Variants in IQCE observed in about 807,000 individuals in gnomAD.
The protein encoded by IQCE is IQ motif containing E, also known as IQ domain-containing protein E.
A neutral mutation model predicts 96.0 loss-of-function variants in IQCE; 115 were observed. That is an observed-to-expected ratio of 1.20 (90% CI 1.03 to 1.40). The LOEUF (loss-of-function observed/expected upper bound fraction) is 1.40. Ranked by LOEUF, IQCE falls within the 40% of genes most tolerant of loss-of-function variation. The pLI is 0.00. For missense variants in IQCE, 1,041 were observed against 909.1 expected (o/e 1.15, Z -1.87); for synonymous variants, 412 against 371.2 (o/e 1.11, Z -1.26).
rs1241903739 is a variant in IQCE, at chr7:2,606,113, G to A, written c.1865+116G>A. On this transcript the variant is annotated intron_variant, in intron 20 of 21. Coordinates refer to ENST00000402050, the MANE Select transcript of IQCE (RefSeq NM_152558.5). The stretch of plus-strand genomic sequence containing the variant: ...GGCGGAAACTGGAGCAGCGCCTGCC[G>A]CCTGCCAGCGGGACCTCGGTTTGGA... 2.3e-5 allele frequency: 29 copies of A among 1,282,060 alleles called. No individual in the cohort carries two copies. In the East Asian group the frequency reaches 4.3e-4, roughly 19 times the overall value. The allele number at this position is 1,282,060 out of a possible 1,614,324, so 79.4% of individuals were successfully genotyped here.
At chr7:2,574,141 A>G (rs1236695431) in intron 6 of IQCE, among the ~76,000 whole-genome samples, 1 of 152,244 alleles carries the variant, frequency 6.6e-6, no homozygotes, top group Non-Finnish European at 1.5e-5. Context: ...ACTGGCTTTC[A>G]GTATCCGTAA....
intron 12 of IQCE, among the ~76,000 whole-genome samples, chr7:2,587,019 G>A (rs536322891): frequency 7.0e-4 from 106 of 152,350 alleles, no homozygotes; most frequent in African/African-American, 2.5e-3. Flanking sequence ...GTCTAGTCGG[G>A]CTGCTGGTGG....
At chr7:2,588,010 C>A in intron 13 of IQCE, 133 bp downstream of exon 13, 1 of 823,392 alleles carries the variant, frequency 1.2e-6, no homozygotes, top group South Asian at 1.4e-5. Context: ...ACACAGACCG[C>A]AAGGAGACTT....
intron 8 of IQCE, among the ~76,000 whole-genome samples, chr7:2,581,005 G>A (rs1472439744): frequency 1.3e-5 from 2 of 151,864 alleles, no homozygotes; most frequent in South Asian, 2.1e-4. Flanking sequence ...CACCATGCCC[G>A]GCTAATTTTT....
Position 2,571,630 on chromosome 7 carries a change from C to G in IQCE, c.235C>G (p.Leu79Val). ...GGRASLTPQK[L>V]WLGTAKPGSL... ...CCGAGCGTCCCTGACCCCGCAGAAG[C>G]TGTGGCTGGGAACCGCAAAGCCAGG... is the stretch of plus-strand genomic sequence containing the variant. The change falls in exon 4 of 22, where the codon CTG becomes GTG. Residue 79 changes from leucine to valine, a missense_variant. Physicochemically the swap from Leu to Val is conservative, Grantham distance 32. Transcript: ENST00000402050. The G allele has an allele frequency of 6.2e-7, 1 of 1,600,448 alleles. No homozygotes were observed. Among genetic ancestry groups the G allele is most frequent in the Non-Finnish European group, 8.5e-7 (1 of 1,179,906 alleles).
chr7:2,579,700 GGTGTGT>G (rs68086038), intron 8 of IQCE, among the ~76,000 whole-genome samples: 90 of 133,070 alleles, frequency 6.8e-4, no homozygotes, highest in South Asian at 2.5e-3. Context: ...TTGTTCTGGT[GGTGTGT>G]GTGTGTGTGT....
intron 14 of IQCE, among the ~76,000 whole-genome samples, chr7:2,592,133 G>A (rs368464513): frequency 2.0e-5 from 3 of 152,296 alleles, no homozygotes; most frequent in East Asian, 3.9e-4. Context: ...AAACTTGGCC[G>A]GTGCCTCCCG....
intron 17 of IQCE, chr7:2,598,848 C>T (rs1293882063): frequency 2.5e-6 from 1 of 405,656 alleles, no homozygotes; most frequent in East Asian, 3.6e-5. Context: ...AGATTTCTTT[C>T]CATCCAGTTT....
In IQCE at chr7:2,578,356, G is replaced by C. The variant is rs761425305; in HGVS notation, c.579+1G>C. 5 of 1,613,102 alleles carry C rather than the reference G, an allele frequency of 3.1e-6. No individual in the cohort carries two copies. The highest frequency in any genetic ancestry group is 1.1e-5 in the South Asian group (1 of 91,070). On this transcript the variant is annotated splice_donor_variant, in intron 7 of 21. Coordinates refer to ENST00000402050, the MANE Select transcript of IQCE (RefSeq NM_152558.5). LOFTEE classifies it high-confidence loss of function. ...AGAGCAGCTCCTGGATCCCAGCCGCGTAAGCTCCTGGCGCTTCACGGACGG... is the reference window on the plus strand; with the variant it reads ...AGAGCAGCTCCTGGATCCCAGCCGCCTAAGCTCCTGGCGCTTCACGGACGG...
At chr7:2,605,016 C>A (rs146213822) in intron 19 of IQCE, 25 bp downstream of exon 19, 18,080 of 1,501,832 alleles carry the variant, frequency 0.012, 162 homozygotes, top group Non-Finnish European at 0.013. Flanking sequence ...CTGGACGTCC[C>A]AGTGGCCATC....
In IQCE at chr7:2,598,266, A is replaced by G; in HGVS notation, c.1441-199A>G. The stretch of plus-strand genomic sequence containing the variant: ...CACGTCTGCACTTGTGTGCTCGCCT[A>G]GACGCTGTCTCTCAGCAGTACAAGA... On this transcript the variant is annotated intron_variant, in intron 16 of 21. Transcript: ENST00000402050. 4 of 509,348 alleles carry G rather than the reference A, an allele frequency of 7.9e-6. No homozygotes were observed. In the South Asian group the frequency reaches 1.2e-4, roughly 16 times the overall value. The allele number at this position is 509,348 out of a possible 1,614,324, so 31.6% of individuals were successfully genotyped here.
chr7:2,590,054 A>G lies in IQCE; in HGVS notation c.1192A>G (p.Arg398Gly). 6.2e-7 allele frequency: 1 copy of G among 1,613,614 alleles called. No individual in the cohort carries two copies. Among genetic ancestry groups the G allele is most frequent in the Middle Eastern group, 1.7e-4 (1 of 6,058 alleles). ...CCACGAGCGTCTCCGAGGGGCTGTG[A>G]GAGACCTGAAGGAAGAGCGGACCGC... is the stretch of plus-strand genomic sequence containing the variant. ...KDHERLRGAV[R>G]DLKEERTALQ... Residue 398 changes from arginine to glycine, a missense_variant, in exon 14 of 22, where the codon AGA (arginine) becomes GGA (glycine). Coordinates refer to ENST00000402050, the MANE Select transcript of IQCE (RefSeq NM_152558.5).
intron 11 of IQCE, chr7:2,584,709 T>G: frequency 5.7e-6 from 1 of 175,220 alleles, no homozygotes; most frequent in Non-Finnish European, 1.2e-5. Context: ...CCACATCCCT[T>G]TCCCAAAGCT....
chr7:2,609,974 A>G, intron 21 of IQCE, 70 bp from the exon 22 acceptor site: 1 of 851,520 alleles, frequency 1.2e-6, no homozygotes, highest in South Asian at 1.4e-5. Flanking sequence ...CAGACAGTGT[A>G]AGGGTGTCCG....
intron 8 of IQCE, among the ~76,000 whole-genome samples, chr7:2,581,541 T>G (rs1412735096): frequency 6.6e-6 from 1 of 151,864 alleles, no homozygotes. Flanking sequence ...AAAATCCAAT[T>G]TAAAAGTTGT....
chr7:2,572,443 C>A, intron 5 of IQCE, 117 bp downstream of exon 5: 1 of 1,158,462 alleles, frequency 8.6e-7, no homozygotes, highest in Non-Finnish European at 1.2e-6. Flanking sequence ...GCATGAGCTC[C>A]GTCACTGGGA....
intron 16 of IQCE, among the ~76,000 whole-genome samples, chr7:2,596,399 AT>A (rs3074415): frequency 0.046 from 6,409 of 138,418 alleles, 179 homozygotes; most frequent in African/African-American, 0.11. Flanking sequence ...GGTTATAAGC[AT>A]TTTTTTTTTT....
Position 2,586,346 on chromosome 7 carries a change from C to A in IQCE, c.963C>A (p.Thr321=). 6.2e-7 allele frequency: 1 copy of A among 1,613,354 alleles called. No homozygotes were observed. Residue 321 remains threonine (T), a synonymous_variant, in exon 12 of 22, where the codon ACC becomes ACA. Coordinates refer to ENST00000402050, the MANE Select transcript of IQCE (RefSeq NM_152558.5). ...AGGACCTGGACCGCGTGCTGAGCAC[C>A]TCCCCAACCATCTCCAAGACACAGG... is the stretch of plus-strand genomic sequence containing the variant. ...LKEDLDRVLS[T]SPTISKTQGY...
At chr7:2,563,574 A>G (rs973418372) in intron 1 of IQCE, among the ~76,000 whole-genome samples, 1 of 151,942 alleles carries the variant, frequency 6.6e-6, no homozygotes, top group Non-Finnish European at 1.5e-5. Context: ...AAATATAGAC[A>G]TTTACAGCTG....
Sources: gnomAD v4.1 joint callset for allele counts (sites outside exome capture counted in the v4.1 genomes callset) on GRCh38, gnomAD v4.1.1 for gene constraint, MANE v1.5 for transcripts, NCBI Gene and HGNC (gene_info 2026-07-23, HGNC 2026-07-21) for gene names.